RYR2: variants seen among roughly 807,000 people sequenced by gnomAD.
The protein encoded by RYR2 is cardiac muscle ryanodine receptor-calcium release channel.
In RYR2, 227 loss-of-function variants were observed where a neutral mutation model predicts 601.1. That is an observed-to-expected ratio of 0.38 (90% CI 0.34 to 0.42). RYR2 has a LOEUF of 0.42. Among genes scored for constraint, RYR2 ranks in the 10% least tolerant of loss-of-function variants. The probability of loss-of-function intolerance (pLI) is 1.00; values close to 1 mark genes in which losing one functional copy is unlikely to be tolerated. For synonymous variants in RYR2, 2,223 were observed against 2,175.1 expected (o/e 1.02, Z -0.61); for missense variants, 4,646 against 6,156.5 (o/e 0.75, Z 8.21).
chr1:237,707,968 G>A (rs797006899), intron 68 of RYR2, among the ~76,000 whole-genome samples: 16 of 138,956 alleles, frequency 1.2e-4, no homozygotes, highest in African/African-American at 4.2e-4. Flanking sequence ...TTTTAGTAGA[G>A]ATGGGGTTTC....
At chr1:237,444,278 CTT>C (rs1264079575) in intron 13 of RYR2, among the ~76,000 whole-genome samples, 2 of 152,144 alleles carry the variant, frequency 1.3e-5, no homozygotes, top group African/African-American at 4.8e-5. Flanking sequence ...TTTCAACTCT[CTT>C]TGCTGTTCTA....
chr1:237,241,789 G>A (rs537914573), intron 1 of RYR2, among the ~76,000 whole-genome samples: 6 of 152,298 alleles, frequency 3.9e-5, no homozygotes, highest in African/African-American at 1.4e-4. Flanking sequence ...ATAACTTCCA[G>A]ACATTGTCAT....
chr1:237,489,847 G>A (rs1663124642), intron 17 of RYR2, among the ~76,000 whole-genome samples: 2 of 152,126 alleles, frequency 1.3e-5, no homozygotes, highest in African/African-American at 4.8e-5. Context: ...AATGTTCGTG[G>A]CATCACTATT....
In RYR2 at chr1:237,043,021, CG is replaced by C. The variant is rs1365543540; in HGVS notation, c.48+455del. 4.6e-5 allele frequency among the ~76,000 whole-genome samples: 7 copies of C among 152,260 alleles called. No homozygotes were observed. The South Asian group carries it at 8.3e-4, about 18-fold the overall frequency. On this transcript the variant is annotated intron_variant, in intron 1 of 104. Coordinates refer to ENST00000366574, the MANE Select transcript of RYR2 (RefSeq NM_001035.3). Reference sequence around the variant, plus strand: ...GGGCTGTTTCTGGGAATACCGCCGCCGGGAGGTTTCTTGGGCTTTCGGGCTG... The same window carrying C: ...GGGCTGTTTCTGGGAATACCGCCGCCGGAGGTTTCTTGGGCTTTCGGGCTG...
Position 237,654,423 on chromosome 1 carries a change from ATGGTT to A in RYR2, c.7965+12_7965+16del. On this transcript the variant is annotated intron_variant, in intron 52 of 104. Transcript: ENST00000366574. Reference sequence around the variant, plus strand: ...ATGCCCTGTCTCAAAAGGTAATTTAATGGTTTGTGGGTTTGTTTGTATCAATAAAA... The same window carrying A: ...ATGCCCTGTCTCAAAAGGTAATTTAATGTGGGTTTGTTTGTATCAATAAAA... The A allele has an allele frequency of 6.2e-7, 1 of 1,613,550 alleles. No individual in the cohort carries two copies. Among genetic ancestry groups the A allele is most frequent in the Non-Finnish European group, 8.5e-7 (1 of 1,179,642 alleles).
chr1:237,387,740 G>A (rs887837416), intron 9 of RYR2, among the ~76,000 whole-genome samples: 1 of 152,144 alleles, frequency 6.6e-6, no homozygotes, highest in Non-Finnish European at 1.5e-5. Context: ...GCTGGAATAC[G>A]AATTTTACAA....
At chr1:237,712,831 A>G (rs16835649) in intron 71 of RYR2, among the ~76,000 whole-genome samples, 3,355 of 152,276 alleles carry the variant, frequency 0.022, 130 homozygotes, top group African/African-American at 0.075. Flanking sequence ...TTATATGTTT[A>G]ATTCCTGCTA....
intron 38 of RYR2, among the ~76,000 whole-genome samples, chr1:237,623,395 T>C (rs201559450): frequency 7.5e-5 from 1 of 13,350 alleles, no homozygotes; most frequent in African/African-American, 1.6e-4. Flanking sequence ...TTTTTTTTTT[T>C]TTTTTTTTTT....
intron 98 of RYR2, among the ~76,000 whole-genome samples, chr1:237,803,647 T>A (rs919768940): frequency 6.6e-6 from 1 of 152,172 alleles, no homozygotes; most frequent in Non-Finnish European, 1.5e-5. Context: ...GAATGTCCCA[T>A]GGCAAATTTT....
chr1:237,132,723 A>T (rs1238257771), intron 1 of RYR2, among the ~76,000 whole-genome samples: 3 of 152,170 alleles, frequency 2.0e-5, no homozygotes, highest in African/African-American at 4.8e-5. Context: ...ATCAGGAAAA[A>T]TTTTTCTAAA....
chr1:237,293,368 G>T (rs181844963), intron 2 of RYR2, among the ~76,000 whole-genome samples: 1 of 151,978 alleles, frequency 6.6e-6, no homozygotes, highest in Non-Finnish European at 1.5e-5. Flanking sequence ...CACCACACCC[G>T]GCTAATTTTT....
intron 1 of RYR2, among the ~76,000 whole-genome samples, chr1:237,121,485 AAAGTT>A (rs1301422087): frequency 1.3e-5 from 2 of 152,228 alleles, no homozygotes; most frequent in African/African-American, 4.8e-5. Context: ...ATTTCCAAGA[AAAGTT>A]AGGAAACGGT....
intron 1 of RYR2, among the ~76,000 whole-genome samples, chr1:237,224,179 T>G (rs764579552): frequency 9.2e-5 from 14 of 152,240 alleles, no homozygotes; most frequent in African/African-American, 1.4e-4. Flanking sequence ...ATTGGAAACC[T>G]TTTTGGGGAT....
intron 100 of RYR2, among the ~76,000 whole-genome samples, chr1:237,812,691 G>A (rs1661374243): frequency 6.6e-6 from 1 of 152,148 alleles, no homozygotes. Context: ...TGTCATGACT[G>A]AGATGTAATA....
intron 10 of RYR2, among the ~76,000 whole-genome samples, chr1:237,393,776 A>T (rs1379084190): frequency 6.6e-6 from 1 of 152,168 alleles, no homozygotes; most frequent in Non-Finnish European, 1.5e-5. Flanking sequence ...TTTTTACCCC[A>T]AACTTAAACT....
chr1:237,685,379 T>C (rs780272663), intron 62 of RYR2, among the ~76,000 whole-genome samples: 37 of 152,186 alleles, frequency 2.4e-4, no homozygotes, highest in Non-Finnish European at 4.6e-4. Context: ...TCAGCAGAGA[T>C]TGTCAAGTCC....
At chr1:237,650,170 T>C in intron 50 of RYR2, 73 bp downstream of exon 50, 1 of 1,385,152 alleles carries the variant, frequency 7.2e-7, no homozygotes, top group Non-Finnish European at 1.0e-6. Flanking sequence ...TTTGACAAAT[T>C]ATTTAGAATT....
chr1:237,312,364 C>T (rs1269251116), intron 2 of RYR2, among the ~76,000 whole-genome samples: 2 of 152,186 alleles, frequency 1.3e-5, no homozygotes, highest in South Asian at 2.1e-4. Context: ...ATGAGATGTG[C>T]AATGACTTTA....
At chr1:237,254,703 G>A (rs1344310364) in intron 1 of RYR2, among the ~76,000 whole-genome samples, 1 of 152,116 alleles carries the variant, frequency 6.6e-6, no homozygotes, top group East Asian at 1.9e-4. Flanking sequence ...TTACACATGG[G>A]TCTCATCTGC....
Sources: gnomAD v4.1 joint callset for allele counts (sites outside exome capture counted in the v4.1 genomes callset) on GRCh38, gnomAD v4.1.1 for gene constraint, MANE v1.5 for transcripts, NCBI Gene and HGNC (gene_info 2026-07-23, HGNC 2026-07-21) for gene names.